Variants in ITGB5 observed in about 807,000 individuals in gnomAD.
The protein encoded by ITGB5 is integrin subunit beta 5, also known as integrin beta-5.
In ITGB5, 38 loss-of-function variants were observed where a neutral mutation model predicts 84.8. That is an observed-to-expected ratio of 0.45 (90% CI 0.35 to 0.59). ITGB5 has a LOEUF of 0.59. Ranked by LOEUF, ITGB5 falls within the 20% of genes least tolerant of loss-of-function variation. ITGB5 has a pLI of 0.01. For synonymous variants in ITGB5, 393 were observed against 414.4 expected (o/e 0.95, Z 0.63); for missense variants, 905 against 1,034.5 (o/e 0.87, Z 1.72).
chr3:124,876,069 C>T (rs1246467545), intron 1 of ITGB5, among the ~76,000 whole-genome samples: 1 of 152,110 alleles, frequency 6.6e-6, no homozygotes, highest in African/African-American at 2.4e-5. Context: ...TTCTGGAGAT[C>T]TATTGTGCAG....
At chr3:124,768,934 C>T (rs1487287952) in intron 12 of ITGB5, 79 bp downstream of exon 12, 1 of 1,150,146 alleles carries the variant, frequency 8.7e-7, no homozygotes, top group Non-Finnish European at 1.3e-6. Flanking sequence ...GGCAGTGCCT[C>T]CTGACTCAAG....
At chr3:124,779,090 G>A (rs967947853) in intron 10 of ITGB5, among the ~76,000 whole-genome samples, 1 of 152,176 alleles carries the variant, frequency 6.6e-6, no homozygotes, top group African/African-American at 2.4e-5. Flanking sequence ...CTGACACATG[G>A]GGCATCAGGA....
At chr3:124,775,324 A>G (rs1032883977) in intron 10 of ITGB5, among the ~76,000 whole-genome samples, 2 of 151,588 alleles carry the variant, frequency 1.3e-5, no homozygotes, top group Non-Finnish European at 2.9e-5. Context: ...GTGTGAGTGT[A>G]TGTGTGTTGG....
intron 1 of ITGB5, among the ~76,000 whole-genome samples, chr3:124,877,885 C>T (rs1934398023): frequency 6.6e-6 from 1 of 152,088 alleles, no homozygotes; most frequent in Admixed American, 6.6e-5. Context: ...GCTTTGTTGC[C>T]CAAGCTGGAC....
At chr3:124,809,728 G>A (rs989011017) in intron 8 of ITGB5, among the ~76,000 whole-genome samples, 1 of 152,126 alleles carries the variant, frequency 6.6e-6, no homozygotes, top group Non-Finnish European at 1.5e-5. Context: ...ACTACATAAT[G>A]AGAGACTCCA....
At chr3:124,847,779 T>C (rs931154676) in intron 4 of ITGB5, among the ~76,000 whole-genome samples, 2 of 152,218 alleles carry the variant, frequency 1.3e-5, no homozygotes, top group Admixed American at 1.3e-4. Context: ...TAGAGACACC[T>C]GTTTTCTAAT....
chr3:124,769,139 G>A lies in ITGB5; in HGVS notation c.1917-26C>T, dbSNP rs1242933503. On this transcript the variant is annotated intron_variant, in intron 11 of 14. Transcript: ENST00000296181. ...CTTTGGAAAAGAGGAGATAAAGGTG[G>A]GTGTCAGATAATGTAGAACAGTCCC... The A allele has an allele frequency of 1.9e-6, 3 of 1,594,814 alleles. No homozygotes were observed. The East Asian group carries it at 6.7e-5, about 36-fold the overall frequency.
chr3:124,785,864 T>TA (rs1177470473), intron 10 of ITGB5, among the ~76,000 whole-genome samples: 2 of 152,198 alleles, frequency 1.3e-5, no homozygotes, highest in Non-Finnish European at 2.9e-5. Context: ...AGAACGCTTA[T>TA]AAGGTAGGAC....
At chr3:124,807,616 G>A (rs1011945273) in intron 9 of ITGB5, among the ~76,000 whole-genome samples, 1 of 151,954 alleles carries the variant, frequency 6.6e-6, no homozygotes, top group Non-Finnish European at 1.5e-5. Context: ...TTATTTGGGG[G>A]AGCGAGGCAC....
chr3:124,805,504 T>C (rs1352420498), intron 9 of ITGB5, among the ~76,000 whole-genome samples: 3 of 152,098 alleles, frequency 2.0e-5, no homozygotes, highest in South Asian at 2.1e-4. Flanking sequence ...TATGCTAGAA[T>C]ACAGTGGTGT....
At chr3:124,775,013 T>C (rs74708445) in intron 10 of ITGB5, among the ~76,000 whole-genome samples, 15,952 of 152,258 alleles carry the variant, frequency 0.1, 1,406 homozygotes, top group African/African-American at 0.23. Context: ...CCAGAGTCCA[T>C]GATCTCAGTG....
rs866623730 is a variant in ITGB5, at chr3:124,887,064, T to C, written c.-64A>G. On this transcript the variant is annotated 5_prime_UTR_variant, in exon 1 of 15. Coordinates refer to ENST00000296181, the MANE Select transcript of ITGB5 (RefSeq NM_002213.5). ...CTCCGCGGGGGCCGGCGGCCGGGGC[T>C]GGGGCCGGAGCGCGGGGGCCGAGGG... The C allele has an allele frequency of 6.6e-4, 499 of 761,336 alleles. 2 individuals carry two copies. The African/African-American group carries it at 8.7e-3, about 13-fold the overall frequency. 47.2% of individuals were successfully genotyped at this position (761,336 alleles called of 1,614,324 possible).
chr3:124,852,447 G>T (rs1383545558), intron 3 of ITGB5, among the ~76,000 whole-genome samples: 1 of 151,798 alleles, frequency 6.6e-6, no homozygotes, highest in African/African-American at 2.4e-5. Context: ...CCTTCTGCTT[G>T]TTCCTGGTTC....
At chr3:124,884,389 C>A (rs1056527541) in intron 1 of ITGB5, among the ~76,000 whole-genome samples, 22 of 152,124 alleles carry the variant, frequency 1.4e-4, no homozygotes, top group African/African-American at 5.3e-4. Context: ...ACCACCACCA[C>A]CAAAACCTGT....
chr3:124,817,534 T>C lies in ITGB5; in HGVS notation c.1128+87A>G. On this transcript the variant is annotated intron_variant, in intron 8 of 14. Transcript: ENST00000296181. The stretch of plus-strand genomic sequence containing the variant: ...AGCCAAGAAGAGCAGCACGGAGAAC[T>C]GCCCACCTGAGCCCGCGGCAGCTGC... 10 of 679,452 alleles carry C rather than the reference T, an allele frequency of 1.5e-5. No individual in the cohort carries two copies. In the South Asian group the frequency reaches 1.6e-4, roughly 11 times the overall value. The allele number at this position is 679,452 out of a possible 1,614,324, so 42.1% of individuals were successfully genotyped here.
intron 10 of ITGB5, among the ~76,000 whole-genome samples, chr3:124,789,323 T>C (rs1255467844): frequency 6.6e-6 from 1 of 152,260 alleles, no homozygotes; most frequent in African/African-American, 2.4e-5. Flanking sequence ...GGCCTTAATC[T>C]CAGGAGTGGC....
chr3:124,796,087 T>C (rs187370496), intron 10 of ITGB5, among the ~76,000 whole-genome samples: 2 of 152,342 alleles, frequency 1.3e-5, no homozygotes, highest in East Asian at 1.9e-4. Context: ...TGAACATCTC[T>C]ACCTGTCAGG....
chr3:124,844,991 C>T (rs2065058568), intron 4 of ITGB5, among the ~76,000 whole-genome samples: 1 of 152,188 alleles, frequency 6.6e-6, no homozygotes. Context: ...TGCAGGGATG[C>T]CCCCACAACC....
chr3:124,805,051 CCCTCCCTGCCCTGCCCTGCCCTT>C (rs2064375227), intron 9 of ITGB5, among the ~76,000 whole-genome samples: 1 of 140,688 alleles, frequency 7.1e-6, no homozygotes, highest in Non-Finnish European at 1.6e-5. Flanking sequence ...GCCCTGCCCT[CCCTCCCTGCCCTGCCCTGCCCTT>C]CCTTTCCGTT....
Sources: allele counts gnomAD v4.1 joint callset (sites outside exome capture counted in the v4.1 genomes callset), GRCh38; gene constraint gnomAD v4.1.1; transcripts MANE v1.5; gene names NCBI Gene and HGNC (gene_info 2026-07-23, HGNC 2026-07-21).